Variants in HLTF observed in about 807,000 individuals in gnomAD.
HLTF encodes DNA-dependent ATPase/E3 ubiquitin-protein ligase HLTF.
A neutral mutation model predicts 129.4 loss-of-function variants in HLTF; 127 were observed. The observed-to-expected ratio is 0.98, with a 90% CI of 0.85 to 1.14. The LOEUF (loss-of-function observed/expected upper bound fraction) is 1.14, where lower values mean the gene tolerates loss of function less well. HLTF is among the 50% of genes most tolerant of loss of function. The pLI is 0.00. For missense variants in HLTF, 1,139 were observed against 1,187.1 expected (o/e 0.96, Z 0.60); for synonymous variants, 332 against 388.8 (o/e 0.85, Z 1.72).
intron 8 of HLTF, among the ~76,000 whole-genome samples, chr3:149,065,209 T>C (rs1718260355): frequency 6.6e-6 from 1 of 152,166 alleles, no homozygotes; most frequent in Admixed American, 6.5e-5. Context: ...TTCTCAGACT[T>C]CAAACTTTTC....
chr3:149,065,804 G>A (rs1718327945), intron 8 of HLTF, among the ~76,000 whole-genome samples: 2 of 151,932 alleles, frequency 1.3e-5, no homozygotes, highest in African/African-American at 4.8e-5. Flanking sequence ...CACTCCCTCT[G>A]TCTCAAAAAA....
chr3:149,052,026 T>C (rs1057204215), intron 14 of HLTF: 1 of 151,840 alleles, frequency 6.6e-6, no homozygotes, highest in Non-Finnish European at 1.5e-5. Context: ...TGGTGGCATG[T>C]GCCTGTAATT....
In HLTF at chr3:149,031,165, A is replaced by G. The variant is rs536112225; in HGVS notation, c.*1055T>C. The G allele has an allele frequency of 2.0e-5, 3 of 152,566 alleles. No individual in the cohort carries two copies. The highest frequency in any genetic ancestry group is 7.2e-5 in the African/African-American group (3 of 41,526). The allele number at this position is 152,566 out of a possible 1,614,324, so 9.5% of individuals were successfully genotyped here. On this transcript the variant is annotated 3_prime_UTR_variant, in exon 25 of 25. Transcript: ENST00000310053. ...TGCTTATTAACAAAAAAGTAAAAAA[A>G]AAAGAAAAGAAAAAAGATGACTAAT...
At chr3:149,077,529 A>G (rs1447219727) in intron 2 of HLTF, among the ~76,000 whole-genome samples, 1 of 152,016 alleles carries the variant, frequency 6.6e-6, no homozygotes, top group African/African-American at 2.4e-5. Flanking sequence ...TTTTAACTTC[A>G]TGGCTACCTG....
At chr3:149,037,405 T>C (rs1398767339) in intron 23 of HLTF, among the ~76,000 whole-genome samples, 3 of 150,152 alleles carry the variant, frequency 2.0e-5, no homozygotes, top group East Asian at 2.0e-4. Context: ...GAGGTGGAGG[T>C]TGCAGTGAGC....
intron 8 of HLTF, among the ~76,000 whole-genome samples, chr3:149,065,603 GC>G (rs1486991497): frequency 6.6e-6 from 1 of 152,152 alleles, no homozygotes; most frequent in Admixed American, 6.5e-5. Context: ...ACCGAGGCGG[GC>G]GGATCACCTA....
intron 13 of HLTF, among the ~76,000 whole-genome samples, chr3:149,057,264 A>C (rs1037318736): frequency 6.6e-6 from 1 of 151,578 alleles, no homozygotes; most frequent in Non-Finnish European, 1.5e-5. Context: ...GTCTCTATTA[A>C]AAATACAAAA....
In HLTF at chr3:149,084,929, TA is replaced by T. The variant is rs1204400339; in HGVS notation, c.21-41del. On this transcript the variant is annotated intron_variant, in intron 1 of 24. Coordinates refer to ENST00000310053, the MANE Select transcript of HLTF (RefSeq NM_003071.4). ...AGGCAAAGAAAAACAATATAATATTTAAGTATTTCCAAAGACCATATGAGTA... is the reference window on the plus strand; with the variant it reads ...AGGCAAAGAAAAACAATATAATATTTAGTATTTCCAAAGACCATATGAGTA... 3 of 1,437,762 alleles carry T rather than the reference TA, an allele frequency of 2.1e-6. No homozygotes were observed. The African/African-American group carries it at 4.3e-5, about 20-fold the overall frequency. 89.1% of individuals were successfully genotyped at this position (1,437,762 alleles called of 1,614,324 possible).
intron 5 of HLTF, 63 bp downstream of exon 5, chr3:149,073,162 T>C (rs2108049635): frequency 3.6e-6 from 4 of 1,124,520 alleles, no homozygotes; most frequent in Non-Finnish European, 5.2e-6. Flanking sequence ...TCCTGTTCTT[T>C]TAAATACAAA....
chr3:149,041,733 T>C, intron 19 of HLTF, 65 bp from the exon 20 acceptor site: 1 of 1,180,528 alleles, frequency 8.5e-7, no homozygotes, highest in African/African-American at 1.5e-5. Flanking sequence ...TAATCTATCT[T>C]ATAAGGAAAA....
intron 15 of HLTF, among the ~76,000 whole-genome samples, chr3:149,049,320 A>G (rs889054821): frequency 1.3e-5 from 2 of 152,166 alleles, no homozygotes; most frequent in Non-Finnish European, 2.9e-5. Flanking sequence ...AATACACTGA[A>G]CTGTTCTACC....
chr3:149,044,491 T>C (rs902430955), intron 18 of HLTF, among the ~76,000 whole-genome samples: 5 of 152,164 alleles, frequency 3.3e-5, no homozygotes, highest in Non-Finnish European at 5.9e-5. Context: ...CATTGCTATC[T>C]TCACAGTTAG....
In HLTF at chr3:149,060,818, C is replaced by G; in HGVS notation, c.1201G>C (p.Glu401Gln). ...AVQYIESSDS[E>Q]EIETSELPQK... ...GGCAATTCACTTGTTTCAATTTCCT[C>G]TGAATCACTGCTTTCTATGTACTGG... The change falls in exon 11 of 25, where the codon GAG becomes CAG. Residue 401 changes from glutamate (E) to glutamine (Q), a missense_variant. Glu to Gln is a conservative substitution (Grantham distance 29). Coordinates refer to ENST00000310053, the MANE Select transcript of HLTF (RefSeq NM_003071.4). 1.9e-6 allele frequency: 3 copies of G among 1,613,692 alleles called. No homozygotes were observed. Among genetic ancestry groups the G allele is most frequent in the Non-Finnish European group, 2.5e-6 (3 of 1,179,722 alleles).
intron 9 of HLTF, among the ~76,000 whole-genome samples, 158 bp from the exon 10 acceptor site, chr3:149,063,682 T>C (rs967711238): frequency 6.6e-6 from 1 of 152,140 alleles, no homozygotes; most frequent in African/African-American, 2.4e-5. Context: ...TTTCCTAATC[T>C]AGTATTTCCT....
chr3:149,054,286 T>C (rs1301366353), intron 14 of HLTF, among the ~76,000 whole-genome samples: 1 of 152,128 alleles, frequency 6.6e-6, no homozygotes, highest in Admixed American at 6.6e-5. Flanking sequence ...GTAGCAACTT[T>C]TAAAGATGCA....
chr3:149,057,426 AAAACAAACAAAC>A (rs538092577), intron 13 of HLTF, among the ~76,000 whole-genome samples: 1 of 152,020 alleles, frequency 6.6e-6, no homozygotes, highest in Non-Finnish European at 1.5e-5. Flanking sequence ...ACTCCGTCTC[AAAACAAACAAAC>A]AAACAAACAA....
chr3:149,076,395 A>G (rs1264110081), intron 2 of HLTF, among the ~76,000 whole-genome samples: 1 of 152,212 alleles, frequency 6.6e-6, no homozygotes, highest in Non-Finnish European at 1.5e-5. Flanking sequence ...GCATTGGTCT[A>G]AGTACATTGC....
chr3:149,030,524 G>C lies in HLTF; in HGVS notation c.*1696C>G, dbSNP rs969035867. ...AGTTTGTAAGGCTTTGTCTTTGTAAGCAGAAAGAGTAGACTGTGTTGTTTT... is the reference window on the plus strand; with the variant it reads ...AGTTTGTAAGGCTTTGTCTTTGTAACCAGAAAGAGTAGACTGTGTTGTTTT... On this transcript the variant is annotated 3_prime_UTR_variant, in exon 25 of 25. Transcript: ENST00000310053. 2.6e-5 allele frequency: 4 copies of C among 152,136 alleles called. No individual in the cohort carries two copies. The highest frequency in any genetic ancestry group is 9.7e-5 in the African/African-American group (4 of 41,432). 9.4% of individuals were successfully genotyped at this position (152,136 alleles called of 1,614,324 possible).
At chr3:149,077,212 C>T (rs1029615143) in intron 2 of HLTF, among the ~76,000 whole-genome samples, 13 of 151,860 alleles carry the variant, frequency 8.6e-5, no homozygotes, top group Non-Finnish European at 1.6e-4. Flanking sequence ...AGTGCCCCTG[C>T]ACTCCAGCCT....
Sources: allele counts gnomAD v4.1 joint callset (sites outside exome capture counted in the v4.1 genomes callset), GRCh38; gene constraint gnomAD v4.1.1; transcripts MANE v1.5; gene names NCBI Gene and HGNC (gene_info 2026-07-23, HGNC 2026-07-21).